OMD: variants seen among roughly 807,000 people sequenced by gnomAD.
OMD encodes the protein KSPG osteomodulin.
Under a neutral mutation model 31.2 loss-of-function variants are expected in OMD, and 19 were observed. The ratio of observed to expected loss-of-function variants is 0.61; its 90% CI spans 0.42 to 0.89. The LOEUF is 0.89. Ranked by LOEUF, OMD falls within the 40% of genes least tolerant of loss-of-function variation. The pLI, the probability that OMD is intolerant of heterozygous loss-of-function variation, is 0.00. For synonymous variants in OMD, 155 were observed against 166.4 expected, an observed-to-expected ratio of 0.93 and a Z score of 0.53; for missense variants, 448 against 490.8, an observed-to-expected ratio of 0.91 and a Z score of 0.82.
At chr9:92,416,506 T>G (rs1843616928) in intron 2 of OMD, 113 bp downstream of exon 2, 1 of 695,956 alleles carries the variant, frequency 1.4e-6, no homozygotes, top group Non-Finnish European at 2.3e-6. Flanking sequence ...TTAAGCAACT[T>G]CAAAACAACT....
chr9:92,417,610 G>C (rs1843657543), intron 1 of OMD, 36 bp from the exon 2 acceptor site: 19 of 1,099,710 alleles, frequency 1.7e-5, no homozygotes, highest in Non-Finnish European at 2.5e-5. Flanking sequence ...TGTGGAGAAA[G>C]TGAGTAAACT....
In OMD at chr9:92,415,160, G is replaced by C; in HGVS notation, c.1258C>G (p.Gln420Glu). Residue 420 changes from glutamine to glutamate, a missense_variant, in exon 3 of 3, where the codon CAA becomes GAA. Coordinates refer to ENST00000375550, the MANE Select transcript of OMD (RefSeq NM_005014.3). Reference sequence around the variant, plus strand: ...ACCTATATAGTTTCTTGCTATTCTTGATTTTCATAATAATGAAGGTCAAAG... The same window carrying C: ...ACCTATATAGTTTCTTGCTATTCTTCATTTTCATAATAATGAAGGTCAAAG... The part of the protein sequence containing the change: ...GHFDLHYYEN[Q>E]E 1 of 1,602,772 alleles carries C rather than the reference G, an allele frequency of 6.2e-7. No homozygotes were observed. The highest frequency in any genetic ancestry group is 1.1e-5 in the South Asian group (1 of 88,592).
chr9:92,419,299 CT>C (rs34582930), intron 1 of OMD, among the ~76,000 whole-genome samples: 21,721 of 116,768 alleles, frequency 0.19, 1,546 homozygotes, highest in African/African-American at 0.35. Flanking sequence ...TGCCTTGTGT[CT>C]TTTTTTTTTT....
chr9:92,418,174 C>T (rs1180320601), intron 1 of OMD, among the ~76,000 whole-genome samples: 1 of 151,194 alleles, frequency 6.6e-6, no homozygotes, highest in Admixed American at 6.6e-5. Context: ...GCAGCCTCCA[C>T]CTCCCCGGTT....
chr9:92,417,970 C>T (rs1296607427), intron 1 of OMD, among the ~76,000 whole-genome samples: 1 of 152,182 alleles, frequency 6.6e-6, no homozygotes, highest in Admixed American at 6.5e-5. Flanking sequence ...TCAAGGGATC[C>T]TCTGGCCTCG....
chr9:92,417,630 C>G (rs1026314181), intron 1 of OMD, 56 bp from the exon 2 acceptor site: 3 of 881,348 alleles, frequency 3.4e-6, no homozygotes, highest in Non-Finnish European at 5.1e-6. Flanking sequence ...TCAGAATACG[C>G]TTTGTATAAA....
rs1843533356 is a variant in OMD at position 92,414,604 on chromosome 9, T to G, written c.*548A>C. On this transcript the variant is annotated 3_prime_UTR_variant, in exon 3 of 3. Coordinates refer to ENST00000375550, the MANE Select transcript of OMD (RefSeq NM_005014.3). ...TACAAATCAAAAATATCATTCTATG[T>G]GCTATGTGGTGAGCTAGGGGGATGG... is the stretch of plus-strand genomic sequence containing the variant. 4.8e-6 allele frequency: 1 copy of G among 208,964 alleles called. No homozygotes were observed. Among genetic ancestry groups the G allele is most frequent in the South Asian group, 1.9e-4 (1 of 5,312 alleles). 12.9% of individuals were successfully genotyped at this position (208,964 alleles called of 1,614,324 possible).
chr9:92,421,267 T>C (rs904046318), intron 1 of OMD, among the ~76,000 whole-genome samples: 1 of 152,188 alleles, frequency 6.6e-6, no homozygotes, highest in Non-Finnish European at 1.5e-5. Flanking sequence ...CATGAACTTC[T>C]GGGCTCAACC....
chr9:92,423,260 AAT>A (rs1477371480), intron 1 of OMD, among the ~76,000 whole-genome samples: 2 of 151,998 alleles, frequency 1.3e-5, no homozygotes, highest in South Asian at 4.2e-4. Context: ...GGAGCAAAGT[AAT>A]ATATATATAT....
intron 1 of OMD, among the ~76,000 whole-genome samples, chr9:92,423,357 C>T (rs866504627): frequency 9.9e-5 from 15 of 152,076 alleles, no homozygotes; most frequent in East Asian, 3.9e-4. Flanking sequence ...GAAAAGCACT[C>T]GTGTTCATCA....
intron 1 of OMD, among the ~76,000 whole-genome samples, chr9:92,419,566 T>A (rs144735317): frequency 2.3e-3 from 355 of 152,266 alleles, no homozygotes; most frequent in African/African-American, 8.3e-3. Context: ...CCCAAAGTGC[T>A]GGGATTACGG....
In OMD at chr9:92,413,482, C is replaced by T. The variant is rs1159679824; in HGVS notation, c.*1670G>A. Among the ~76,000 whole-genome samples the T allele has an allele frequency of 2.6e-5, 4 of 152,072 alleles. No homozygotes were observed. The highest frequency in any genetic ancestry group is 5.9e-5 in the Non-Finnish European group (4 of 68,010). On this transcript the variant is annotated 3_prime_UTR_variant, in exon 3 of 3. Coordinates refer to ENST00000375550, the MANE Select transcript of OMD (RefSeq NM_005014.3). The stretch of plus-strand genomic sequence containing the variant: ...ATTTATTTGCATTTCCCTAATGGCT[C>T]ATAAATTTTAAATTGCTCTAGGTTA...
intron 1 of OMD, among the ~76,000 whole-genome samples, chr9:92,421,339 C>A (rs2130969495): frequency 6.6e-6 from 1 of 152,300 alleles, no homozygotes; most frequent in Admixed American, 6.5e-5. Context: ...CACCCCCGGC[C>A]TTGGAGGGCC....
Position 92,415,474 on chromosome 9 carries a change from A to C in OMD, c.944T>G (p.Met315Arg). The C allele has an allele frequency of 6.4e-7, 1 of 1,556,526 alleles. No individual in the cohort carries two copies. Among genetic ancestry groups the C allele is most frequent in the Non-Finnish European group, 8.7e-7 (1 of 1,148,202 alleles). The change falls in exon 3 of 3, where the codon ATG (methionine) becomes AGG (arginine). Residue 315 changes from methionine to arginine, a missense_variant. Coordinates refer to ENST00000375550, the MANE Select transcript of OMD (RefSeq NM_005014.3). ...AGAAGGACACATCACTGTAAGATTC[A>C]TCTCTGAAAGAAATAAATTAAAAAT... is the stretch of plus-strand genomic sequence containing the variant. ...LYLQNNEIEK[M>R]NLTVMCPSID...
Position 92,416,974 on chromosome 9 carries a change from A to G in OMD, c.585T>C (p.Tyr195=), listed in dbSNP as rs764832468. Residue 195 remains tyrosine, a synonymous_variant, in exon 2 of 3, where the codon TAT becomes TAC. Coordinates refer to ENST00000375550, the MANE Select transcript of OMD (RefSeq NM_005014.3). ...LVNLTMLDLC[Y]NYLHDSLLKD... ...TTAGCAGAGAATCATGAAGATAATT[A>G]TAACAGAGATCAAGCATGGTCAAGT... is the stretch of plus-strand genomic sequence containing the variant. The G allele has an allele frequency of 1.5e-5, 25 of 1,614,032 alleles. No individual in the cohort carries two copies. The South Asian group carries it at 1.6e-4, about 11-fold the overall frequency.
rs1266067075 is a variant in OMD at position 92,414,006 on chromosome 9, A to G, written c.*1146T>C. Among the ~76,000 whole-genome samples, 3 of 152,208 alleles carry G rather than the reference A, an allele frequency of 2.0e-5. No homozygotes were observed. The highest frequency in any genetic ancestry group is 2.1e-4 in the South Asian group (1 of 4,832). On this transcript the variant is annotated 3_prime_UTR_variant, in exon 3 of 3. Transcript: ENST00000375550. Reference sequence around the variant, plus strand: ...TTATCATTTGTATAGGCAGCCCTAGATTGGTATTTGTCCCTTATCTGAGAA... The same window carrying G: ...TTATCATTTGTATAGGCAGCCCTAGGTTGGTATTTGTCCCTTATCTGAGAA...
chr9:92,416,893 G>C lies in OMD; in HGVS notation c.666C>G (p.Asn222Lys). Residue 222 changes from asparagine (N) to lysine (K), a missense_variant, in exon 2 of 3, where the codon AAC (asparagine) becomes AAG (lysine). Asn to Lys is a moderately conservative substitution (Grantham distance 94, BLOSUM62 0). Transcript: ENST00000375550. ...EKLMQLNLCS[N>K]RLESMPPGLP... ...AACCAGGAGGCATTGATTCTAATCT[G>C]TTACTGCAGAGGTTGAGCTGCATTA... The C allele has an allele frequency of 6.2e-7, 1 of 1,613,990 alleles. No individual in the cohort carries two copies. Among genetic ancestry groups the C allele is most frequent in the Non-Finnish European group, 8.5e-7 (1 of 1,179,966 alleles).
intron 1 of OMD, among the ~76,000 whole-genome samples, chr9:92,422,577 T>C (rs1843839965): frequency 6.6e-6 from 1 of 152,202 alleles, no homozygotes; most frequent in Admixed American, 6.5e-5. Flanking sequence ...AGAAAGTCTT[T>C]CCTTGAGGAA....
rs756484983 is a variant in OMD at position 92,417,174 on chromosome 9, A to G, written c.385T>C (p.Ser129Pro). 15 of 1,613,784 alleles carry G rather than the reference A, an allele frequency of 9.3e-6. No individual in the cohort carries two copies. In the South Asian group the frequency reaches 1.5e-4, roughly 17 times the overall value. The change falls in exon 2 of 3, where the codon TCT (serine) becomes CCT (proline). Residue 129 changes from serine to proline, a missense_variant. Ser to Pro is a moderately conservative substitution (Grantham distance 74, BLOSUM62 -1). Coordinates refer to ENST00000375550, the MANE Select transcript of OMD (RefSeq NM_005014.3). ...AACACACCATAATCAATCTTTTGAGATTTAATTTTGTTGTGGCTGAGGTTA... is the reference window on the plus strand; with the variant it reads ...AACACACCATAATCAATCTTTTGAGGTTTAATTTTGTTGTGGCTGAGGTTA... ...EINLSHNKIKSQKIDYGVFAK... is the reference protein window; with the variant it reads ...EINLSHNKIKPQKIDYGVFAK...
Sources: gnomAD v4.1 joint callset for allele counts (sites outside exome capture counted in the v4.1 genomes callset) on GRCh38, gnomAD v4.1.1 for gene constraint, MANE v1.5 for transcripts, NCBI Gene and HGNC (gene_info 2026-07-23, HGNC 2026-07-21) for gene names.